The following SNTG2 variants were observed in gnomAD, a reference collection of about 807,000 sequenced individuals.
SNTG2 encodes the protein syntrophin gamma 2, also known as gamma-2-syntrophin.
SNTG2 carries 74 observed loss-of-function variants against 70.9 expected under a neutral mutation model. The ratio of observed to expected loss-of-function variants is 1.04; its 90% CI spans 0.86 to 1.27. SNTG2 has a LOEUF of 1.27. Among genes scored for constraint, SNTG2 ranks in the 50% most tolerant of loss-of-function variants. The pLI is 0.00. For missense variants in SNTG2, 717 were observed against 690.7 expected (o/e 1.04, Z -0.43); for synonymous variants, 278 against 273.8 (o/e 1.02, Z -0.15).
At position 1,271,628 on chromosome 2, in the gene SNTG2, T is replaced by G. The variant is rs578250322; in HGVS notation, c.1284+4057T>G. 1.6e-3 allele frequency among the ~76,000 whole-genome samples: 249 copies of G among 152,282 alleles called. 1 individual carries two copies. Among genetic ancestry groups the G allele is most frequent in the African/African-American group, 5.8e-3 (240 of 41,558 alleles). On this transcript the variant is annotated intron_variant, in intron 14 of 16. Transcript: ENST00000308624. ...TTTCCATACTCCACCTTGCTGAGTT[T>G]TGAGGTCTAGATTGTGCCTCGGTGT...
intron 1 of SNTG2, among the ~76,000 whole-genome samples, chr2:1,081,764 C>T (rs1054253788): frequency 1.3e-5 from 2 of 152,254 alleles, no homozygotes; most frequent in Non-Finnish European, 2.9e-5. Flanking sequence ...GTACAGCCCC[C>T]TGGGGTCAGC....
At chr2:1,311,749 A>C (rs1201530611) in intron 15 of SNTG2, among the ~76,000 whole-genome samples, 1 of 152,240 alleles carries the variant, frequency 6.6e-6, no homozygotes, top group Non-Finnish European at 1.5e-5. Flanking sequence ...TTATAAAAAA[A>C]TCAAATAGAT....
intron 1 of SNTG2, among the ~76,000 whole-genome samples, chr2:1,015,189 TG>T (rs1659849930): frequency 6.6e-6 from 1 of 152,006 alleles, no homozygotes; most frequent in Non-Finnish European, 1.5e-5. Flanking sequence ...GAGGTAGAGA[TG>T]TGGGCAGCTG....
intron 4 of SNTG2, among the ~76,000 whole-genome samples, chr2:1,105,325 G>A (rs552920344): frequency 2.6e-4 from 40 of 152,178 alleles, no homozygotes; most frequent in Non-Finnish European, 5.1e-4. Flanking sequence ...GGCATCTGCT[G>A]CAGGGCTTAC....
intron 1 of SNTG2, among the ~76,000 whole-genome samples, chr2:1,064,907 G>T (rs1482854950): frequency 2.0e-5 from 3 of 152,136 alleles, no homozygotes; most frequent in East Asian, 1.9e-4. Flanking sequence ...TATGCTGTTT[G>T]CAAGAAACAC....
chr2:1,168,102 G>T (rs1670865574), intron 7 of SNTG2, among the ~76,000 whole-genome samples: 1 of 136,618 alleles, frequency 7.3e-6, no homozygotes, highest in Non-Finnish European at 1.5e-5. Flanking sequence ...CCCACAGACG[G>T]CAGTACTGAA....
chr2:1,307,519 A>G (rs976710105), intron 14 of SNTG2, among the ~76,000 whole-genome samples: 2 of 151,784 alleles, frequency 1.3e-5, no homozygotes, highest in Non-Finnish European at 2.9e-5. Context: ...TCAAGCACCC[A>G]TTTCCCACAA....
At chr2:1,328,802 C>T (rs954260969) in intron 16 of SNTG2, among the ~76,000 whole-genome samples, 11 of 152,124 alleles carry the variant, frequency 7.2e-5, no homozygotes, top group Non-Finnish European at 1.6e-4. Context: ...TATCCACACA[C>T]ACACATACAC....
intron 16 of SNTG2, among the ~76,000 whole-genome samples, chr2:1,324,283 C>T (rs976131237): frequency 6.6e-6 from 1 of 152,212 alleles, no homozygotes; most frequent in Admixed American, 6.5e-5. Context: ...AGTCAAGTCT[C>T]TGATTTTCAT....
At chr2:1,058,091 G>A (rs1302526757) in intron 1 of SNTG2, among the ~76,000 whole-genome samples, 1 of 152,092 alleles carries the variant, frequency 6.6e-6, no homozygotes, top group Non-Finnish European at 1.5e-5. Flanking sequence ...ACTTATATTT[G>A]TATCTGCATT....
At chr2:1,100,363 T>C (rs1363342946) in intron 4 of SNTG2, among the ~76,000 whole-genome samples, 1 of 152,124 alleles carries the variant, frequency 6.6e-6, no homozygotes, top group East Asian at 1.9e-4. Flanking sequence ...GGCGGGGGTC[T>C]CGAACTCCTG....
At chr2:1,330,952 C>T (rs1163639860) in intron 16 of SNTG2, among the ~76,000 whole-genome samples, 1 of 152,178 alleles carries the variant, frequency 6.6e-6, no homozygotes, top group African/African-American at 2.4e-5. Flanking sequence ...CAGGTTGTCA[C>T]CAGTGAGTTG....
rs183919518 is a variant in SNTG2 at position 987,862 on chromosome 2, C to T, written c.72+36794C>T. Among the ~76,000 whole-genome samples, 802 of 152,160 alleles carry T rather than the reference C, an allele frequency of 5.3e-3. 8 individuals are homozygous for T. Among genetic ancestry groups the T allele is most frequent in the African/African-American group, 0.018 (764 of 41,510 alleles). On this transcript the variant is annotated intron_variant, in intron 1 of 16. Transcript: ENST00000308624. ...GGTTCTGGAGATGTGGAAGGAAGGC[C>T]GCGCAGCCTTGCCCATCACCAGCGC...
intron 14 of SNTG2, among the ~76,000 whole-genome samples, chr2:1,285,270 A>G (rs993749688): frequency 6.6e-6 from 1 of 152,114 alleles, no homozygotes; most frequent in African/African-American, 2.4e-5. Context: ...CTCAAATGTT[A>G]ATCTCCTTTG....
intron 6 of SNTG2, among the ~76,000 whole-genome samples, chr2:1,149,833 T>G (rs1370184087): frequency 6.6e-6 from 1 of 150,894 alleles, no homozygotes; most frequent in Non-Finnish European, 1.5e-5. Flanking sequence ...GACTACAGGC[T>G]CCCGCCACCG....
At chr2:1,125,451 G>T (rs1451253091) in intron 4 of SNTG2, among the ~76,000 whole-genome samples, 1 of 151,874 alleles carries the variant, frequency 6.6e-6, no homozygotes, top group Non-Finnish European at 1.5e-5. Flanking sequence ...AAGCACCCAT[G>T]CATTTGTGCA....
At chr2:1,297,887 G>C in intron 14 of SNTG2, among the ~76,000 whole-genome samples, 1 of 152,174 alleles carries the variant, frequency 6.6e-6, no homozygotes. Flanking sequence ...TATCAGCAAG[G>C]AACGGAGTAG....
At chr2:1,042,087 T>C (rs1172978146) in intron 1 of SNTG2, among the ~76,000 whole-genome samples, 1 of 152,224 alleles carries the variant, frequency 6.6e-6, no homozygotes, top group Admixed American at 6.5e-5. Context: ...ACATCTGTTG[T>C]ATGATAGAAC....
intron 16 of SNTG2, among the ~76,000 whole-genome samples, chr2:1,359,792 C>T (rs1661042178): frequency 6.6e-6 from 1 of 152,198 alleles, no homozygotes; most frequent in African/African-American, 2.4e-5. Flanking sequence ...AATAAACCCA[C>T]TGCCATTTTT....
Sources: gnomAD v4.1 joint callset for allele counts (sites outside exome capture counted in the v4.1 genomes callset) on GRCh38, gnomAD v4.1.1 for gene constraint, MANE v1.5 for transcripts, NCBI Gene and HGNC (gene_info 2026-07-23, HGNC 2026-07-21) for gene names.